Variants in RTTN observed in about 807,000 individuals in gnomAD.
RTTN encodes the protein rotatin.
A neutral mutation model predicts 269.2 loss-of-function variants in RTTN; 182 were observed. The observed-to-expected ratio is 0.68, with a 90% CI of 0.60 to 0.76. RTTN has a LOEUF of 0.76. Ranked by LOEUF, RTTN falls within the 30% of genes least tolerant of loss-of-function variation. The pLI, the probability that RTTN is intolerant of heterozygous loss-of-function variation, is 0.00. For missense variants in RTTN, 2,545 were observed against 2,608.6 expected (o/e 0.98, Z 0.53); for synonymous variants, 1,006 against 963.5 (o/e 1.04, Z -0.82).
chr18:70,124,470 G>GT (rs1486839155), intron 25 of RTTN, among the ~76,000 whole-genome samples: 1 of 152,050 alleles, frequency 6.6e-6, no homozygotes, highest in Non-Finnish European at 1.5e-5. Context: ...ACATCACAGA[G>GT]TAAGAAGACC....
chr18:70,052,642 T>TATATA (rs372511831), intron 38 of RTTN, among the ~76,000 whole-genome samples: 124 of 145,912 alleles, frequency 8.5e-4, no homozygotes, highest in Non-Finnish European at 1.1e-3. Context: ...ATTTATTTAC[T>TATATA]TATATATATA....
At chr18:70,093,745 T>C (rs2145256542) in intron 28 of RTTN, among the ~76,000 whole-genome samples, 1 of 152,350 alleles carries the variant, frequency 6.6e-6, no homozygotes, top group Admixed American at 6.5e-5. Context: ...TCCTCAGTGA[T>C]AATGACCTGA....
At position 70,054,178 on chromosome 18, in the gene RTTN, A is replaced by G. The variant is rs1377120400; in HGVS notation, c.5138T>C (p.Ile1713Thr). The G allele has an allele frequency of 1.2e-6, 2 of 1,613,802 alleles. No individual in the cohort carries two copies. The highest frequency in any genetic ancestry group is 1.7e-6 in the Non-Finnish European group (2 of 1,179,724). ...GGTGAGAATTCCAATGATATTGGTG[A>G]TAAGAGGTTTCACAAGCTCATCCTG... ...VIQDELVKPL[I>T]TNIIGILTIC... The change falls in exon 38 of 49, where the codon ATC becomes ACC. Residue 1713 changes from isoleucine to threonine, a missense_variant. Coordinates refer to ENST00000640769, the MANE Select transcript of RTTN (RefSeq NM_173630.4).
chr18:70,129,442 C>G (rs550183396), intron 23 of RTTN: 1 of 151,188 alleles, frequency 6.6e-6, no homozygotes, highest in East Asian at 2.0e-4. Flanking sequence ...ACACACAGAC[C>G]AATAAAACAG....
At chr18:70,166,763 T>C in intron 13 of RTTN, 156 bp downstream of exon 13, 1 of 581,436 alleles carries the variant, frequency 1.7e-6, no homozygotes, top group Non-Finnish European at 3.0e-6. Flanking sequence ...AATGCAGCTG[T>C]ACATATACCC....
intron 37 of RTTN, among the ~76,000 whole-genome samples, chr18:70,057,465 T>C (rs1599315350): frequency 6.6e-6 from 1 of 152,174 alleles, no homozygotes; most frequent in East Asian, 1.9e-4. Flanking sequence ...ATTATTAAAG[T>C]GGTGCTCCAA....
chr18:70,093,518 T>C (rs1273353720), intron 28 of RTTN, among the ~76,000 whole-genome samples: 1 of 152,186 alleles, frequency 6.6e-6, no homozygotes. Flanking sequence ...TGAAGAGATG[T>C]TGAATTTTAT....
intron 28 of RTTN, among the ~76,000 whole-genome samples, chr18:70,105,152 C>T (rs1263000689): frequency 2.0e-5 from 3 of 152,190 alleles, no homozygotes; most frequent in African/African-American, 4.8e-5. Context: ...CCACCCAGTT[C>T]GAGCTTCCCG....
At position 70,067,322 on chromosome 18, in the gene RTTN, G is replaced by A. The variant is rs559483373; in HGVS notation, c.4654-1400C>T. ...CTACAGGCGCCCGCCACCACGCCCG[G>A]CTAATTTTTTGTATTTTTAGTAGAG... On this transcript the variant is annotated intron_variant, in intron 34 of 48. Coordinates refer to ENST00000640769, the MANE Select transcript of RTTN (RefSeq NM_173630.4). Among the ~76,000 whole-genome samples, 13 of 152,184 alleles carry A rather than the reference G, an allele frequency of 8.5e-5. No homozygotes were observed. In the South Asian group the frequency reaches 2.7e-3, roughly 32 times the overall value.
At chr18:70,179,466 A>G (rs1362841418) in intron 10 of RTTN, among the ~76,000 whole-genome samples, 1 of 152,090 alleles carries the variant, frequency 6.6e-6, no homozygotes, top group East Asian at 1.9e-4. Context: ...TCTAAGCATA[A>G]AAAAAATGGC....
At position 70,103,795 on chromosome 18, in the gene RTTN, AAAG is replaced by A. The variant is rs368344456; in HGVS notation, c.3903+5700_3903+5702del. 4.8e-3 allele frequency among the ~76,000 whole-genome samples: 724 copies of A among 151,280 alleles called. 5 individuals are homozygous for A. The highest frequency in any genetic ancestry group is 0.017 in the African/African-American group (686 of 41,364). On this transcript the variant is annotated intron_variant, in intron 28 of 48. Transcript: ENST00000640769. Reference sequence around the variant, plus strand: ...AAAAAAAAAGCAAATCATAAAAAAAAAAGAATGTTGAATATTGGCCCCCACTCT... The same window carrying A: ...AAAAAAAAAGCAAATCATAAAAAAAAAATGTTGAATATTGGCCCCCACTCT...
At chr18:70,180,651 A>G (rs902202059) in intron 10 of RTTN, among the ~76,000 whole-genome samples, 1 of 152,068 alleles carries the variant, frequency 6.6e-6, no homozygotes, top group Non-Finnish European at 1.5e-5. Flanking sequence ...AGTGTTTTCA[A>G]AGCACCATTG....
intron 14 of RTTN, among the ~76,000 whole-genome samples, chr18:70,165,503 A>T (rs941155041): frequency 3.3e-5 from 5 of 151,940 alleles, no homozygotes; most frequent in African/African-American, 1.2e-4. Flanking sequence ...ATTATAACCA[A>T]ATAGTACTTA....
At chr18:70,101,884 G>A (rs1439213900) in intron 28 of RTTN, among the ~76,000 whole-genome samples, 1 of 152,214 alleles carries the variant, frequency 6.6e-6, no homozygotes, top group East Asian at 1.9e-4. Context: ...TAGTTGAGCT[G>A]TTCTGAGTGA....
chr18:70,111,500 G>C (rs1342816367), intron 27 of RTTN, among the ~76,000 whole-genome samples: 1 of 152,036 alleles, frequency 6.6e-6, no homozygotes, highest in Non-Finnish European at 1.5e-5. Flanking sequence ...AAACAGAAAG[G>C]AACAGCACGT....
intron 4 of RTTN, among the ~76,000 whole-genome samples, chr18:70,201,193 G>A (rs2061934603): frequency 2.0e-5 from 3 of 152,182 alleles, no homozygotes; most frequent in African/African-American, 7.2e-5. Context: ...GAGGAAATGG[G>A]AAAAGAAACT....
At chr18:70,120,503 A>G (rs1568415152) in intron 26 of RTTN, among the ~76,000 whole-genome samples, 1 of 152,148 alleles carries the variant, frequency 6.6e-6, no homozygotes, top group African/African-American at 2.4e-5. Flanking sequence ...GTTAATATAT[A>G]ATGAAACATA....
chr18:70,016,226 G>T lies in RTTN; in HGVS notation c.6421+1181C>A, dbSNP rs976571817. 1.1e-3 allele frequency among the ~76,000 whole-genome samples: 164 copies of T among 151,722 alleles called. 2 individuals are homozygous for T. The highest frequency in any genetic ancestry group is 1.9e-3 in the Admixed American group (29 of 15,226). ...CTATATACACCACAAAATATAAGAA[G>T]AATCATTTTCGTACACTTAGAAAAC... On this transcript the variant is annotated intron_variant, in intron 46 of 48. Transcript: ENST00000640769.
rs1428069243 is a variant in RTTN at position 70,024,828 on chromosome 18, G to T, written c.5844C>A (p.His1948Gln). ...AGAGAGAGTGCAAGACAGGGACAAG[G>T]TGAGCTTCAAGAGCTGCTTCCTGTT... is the stretch of plus-strand genomic sequence containing the variant. ...EECKEAALEA[H>Q]LVPVLHSLWP... Residue 1948 changes from histidine to glutamine, a missense_variant, in exon 44 of 49, where the codon CAC (histidine) becomes CAA (glutamine). His to Gln is a conservative substitution (Grantham distance 24, BLOSUM62 0). Coordinates refer to ENST00000640769, the MANE Select transcript of RTTN (RefSeq NM_173630.4). 1 of 1,613,876 alleles carries T rather than the reference G, an allele frequency of 6.2e-7. No homozygotes were observed. Among genetic ancestry groups the T allele is most frequent in the African/African-American group, 1.3e-5 (1 of 75,030 alleles).
Sources: allele counts gnomAD v4.1 joint callset (sites outside exome capture counted in the v4.1 genomes callset), GRCh38; gene constraint gnomAD v4.1.1; transcripts MANE v1.5; gene names NCBI Gene and HGNC (gene_info 2026-07-23, HGNC 2026-07-21).